Variants in RIMS2 observed in about 807,000 individuals in gnomAD.
The protein encoded by RIMS2 is regulating synaptic membrane exocytosis protein 2.
Under a neutral mutation model 174.4 loss-of-function variants are expected in RIMS2, and 59 were observed. The ratio of observed to expected loss-of-function variants is 0.34; its 90% CI spans 0.27 to 0.42. The LOEUF is 0.42. RIMS2 is among the 10% of genes least tolerant of loss of function. RIMS2 has a pLI of 1.00. For missense variants in RIMS2, 1,620 were observed against 1,666.3 expected (o/e 0.97, Z 0.48); for synonymous variants, 606 against 572.5 (o/e 1.06, Z -0.84).
intron 16 of RIMS2, chr8:103,977,234 A>G (rs2093524105): frequency 6.6e-6 from 1 of 152,248 alleles, no homozygotes. Flanking sequence ...AATATCTGAC[A>G]TATTAAGTTG....
chr8:103,701,112 TTGTC>T (rs1201403861), intron 2 of RIMS2, among the ~76,000 whole-genome samples: 4 of 152,062 alleles, frequency 2.6e-5, no homozygotes, highest in Admixed American at 2.6e-4. Flanking sequence ...GTATCACATT[TTGTC>T]TGTCTTAAGT....
chr8:103,756,535 A>G (rs1311893146), intron 2 of RIMS2, among the ~76,000 whole-genome samples: 1 of 151,234 alleles, frequency 6.6e-6, no homozygotes, highest in East Asian at 2.0e-4. Context: ...GCTGGGCTCA[A>G]CTGATCCTCC....
chr8:104,216,710 G>T (rs991733885), intron 19 of RIMS2, among the ~76,000 whole-genome samples: 4 of 152,134 alleles, frequency 2.6e-5, no homozygotes, highest in Non-Finnish European at 4.4e-5. Flanking sequence ...GAGGAAAAAG[G>T]CCTGGCTTAT....
At chr8:103,642,412 A>G (rs1489194598) in intron 1 of RIMS2, among the ~76,000 whole-genome samples, 1 of 152,102 alleles carries the variant, frequency 6.6e-6, no homozygotes, top group Non-Finnish European at 1.5e-5. Flanking sequence ...ATCACAGAAT[A>G]CAGTATTGCT....
At chr8:103,840,599 A>G (rs556697459) in intron 3 of RIMS2, among the ~76,000 whole-genome samples, 18 of 152,244 alleles carry the variant, frequency 1.2e-4, no homozygotes, top group African/African-American at 3.9e-4. Flanking sequence ...GCACATATGT[A>G]GGAACTTCTC....
chr8:103,569,167 G>T (rs2092616532), intron 1 of RIMS2, among the ~76,000 whole-genome samples: 1 of 151,960 alleles, frequency 6.6e-6, no homozygotes, highest in Non-Finnish European at 1.5e-5. Context: ...TTACAGTTTT[G>T]GCTTTGACAT....
chr8:103,734,884 T>G (rs1387699553), intron 2 of RIMS2, among the ~76,000 whole-genome samples: 1 of 151,568 alleles, frequency 6.6e-6, no homozygotes, highest in Non-Finnish European at 1.5e-5. Flanking sequence ...TACTGGAGGG[T>G]TCTTCTCTCA....
At chr8:103,807,471 A>C (rs916749627) in intron 3 of RIMS2, among the ~76,000 whole-genome samples, 2 of 152,164 alleles carry the variant, frequency 1.3e-5, no homozygotes, top group Admixed American at 6.6e-5. Flanking sequence ...GGCCATAGCA[A>C]CTAAAGACAA....
intron 3 of RIMS2, among the ~76,000 whole-genome samples, chr8:103,800,811 A>T (rs1011265198): frequency 3.3e-5 from 5 of 152,114 alleles, no homozygotes; most frequent in Non-Finnish European, 7.4e-5. Flanking sequence ...AACATCATTG[A>T]TTTAATCAGG....
At chr8:103,767,311 C>T (rs1170521596) in intron 3 of RIMS2, among the ~76,000 whole-genome samples, 4 of 151,892 alleles carry the variant, frequency 2.6e-5, no homozygotes, top group African/African-American at 7.3e-5. Flanking sequence ...CCTCAGCCTC[C>T]CGAGTAGCTG....
chr8:103,885,552 A>G, exon 4 of RIMS2: 1 of 1,612,762 alleles, frequency 6.2e-7, no homozygotes, highest in Non-Finnish European at 8.5e-7. Context: ...GAAAGCAGAG[A>G]TGAATACGAA....
chr8:103,751,428 G>A (rs1470361007), intron 2 of RIMS2, among the ~76,000 whole-genome samples: 1 of 151,676 alleles, frequency 6.6e-6, no homozygotes, highest in Non-Finnish European at 1.5e-5. Flanking sequence ...TGTCTTTATA[G>A]CAGCATGATT....
intron 14 of RIMS2, among the ~76,000 whole-genome samples, chr8:103,947,689 A>G (rs996468603): frequency 6.6e-6 from 1 of 152,198 alleles, no homozygotes; most frequent in African/African-American, 2.4e-5. Flanking sequence ...GGGTGAGTCA[A>G]TGAGCAACTT....
chr8:103,993,042 T>A (rs1005565305), intron 17 of RIMS2, among the ~76,000 whole-genome samples: 1 of 152,044 alleles, frequency 6.6e-6, no homozygotes, highest in Non-Finnish European at 1.5e-5. Context: ...TGAACCCGAG[T>A]GGCAGAGGTT....
At chr8:104,048,765 T>G (rs2096736145) in intron 19 of RIMS2, among the ~76,000 whole-genome samples, 1 of 152,154 alleles carries the variant, frequency 6.6e-6, no homozygotes, top group Admixed American at 6.5e-5. Context: ...TTGAAAGTAA[T>G]GTCTGTAAAA....
intron 1 of RIMS2, among the ~76,000 whole-genome samples, chr8:103,541,753 G>C (rs1238708872): frequency 6.6e-6 from 1 of 152,100 alleles, no homozygotes; most frequent in Non-Finnish European, 1.5e-5. Flanking sequence ...TTTGTTAAGG[G>C]ATATACAATG....
chr8:104,168,576 G>C (rs1327127584), intron 19 of RIMS2, among the ~76,000 whole-genome samples: 2 of 151,968 alleles, frequency 1.3e-5, no homozygotes, highest in Non-Finnish European at 2.9e-5. Context: ...TGAGTCTTTA[G>C]GGTTTTCAGG....
intron 1 of RIMS2, among the ~76,000 whole-genome samples, chr8:103,691,266 G>T (rs542986474): frequency 3.0e-4 from 46 of 152,052 alleles, no homozygotes; most frequent in African/African-American, 1.1e-3. Flanking sequence ...TTATCCCTTC[G>T]AACGAACTTT....
chr8:103,572,562 G>GT (rs2092910310), intron 1 of RIMS2, among the ~76,000 whole-genome samples: 1 of 149,730 alleles, frequency 6.7e-6, no homozygotes, highest in African/African-American at 2.4e-5. Flanking sequence ...GCCAAAATCT[G>GT]TTTGTTTTTT....
Sources: gnomAD v4.1 joint callset for allele counts (sites outside exome capture counted in the v4.1 genomes callset) on GRCh38, gnomAD v4.1.1 for gene constraint, MANE v1.5 for transcripts, NCBI Gene and HGNC (gene_info 2026-07-23, HGNC 2026-07-21) for gene names.